CNTNAP2: variants seen among roughly 807,000 people sequenced by gnomAD.
CNTNAP2 encodes the protein contactin associated protein 2.
A neutral mutation model predicts 155.2 loss-of-function variants in CNTNAP2; 98 were observed. That is an observed-to-expected ratio of 0.63 (90% CI 0.54 to 0.75). The LOEUF (loss-of-function observed/expected upper bound fraction) is 0.75. CNTNAP2 is among the 30% of genes least tolerant of loss of function. The probability of loss-of-function intolerance (pLI) is 0.00; values close to 1 mark genes in which losing one functional copy is unlikely to be tolerated. For synonymous variants in CNTNAP2, 651 were observed against 631.2 expected, an observed-to-expected ratio of 1.03 and a Z score of -0.47; for missense variants, 1,727 against 1,688.1, an observed-to-expected ratio of 1.02 and a Z score of -0.40.
At chr7:146,636,482 T>C (rs1348943114) in intron 1 of CNTNAP2, among the ~76,000 whole-genome samples, 1 of 152,210 alleles carries the variant, frequency 6.6e-6, no homozygotes, top group Non-Finnish European at 1.5e-5. Flanking sequence ...TCAATATCTT[T>C]TCCAATTTTT....
intron 1 of CNTNAP2, among the ~76,000 whole-genome samples, chr7:146,302,526 C>T (rs895441517): frequency 2.0e-5 from 3 of 152,104 alleles, no homozygotes; most frequent in African/African-American, 7.2e-5. Flanking sequence ...GACAAAGATT[C>T]TTCAAGATTT....
intron 13 of CNTNAP2, among the ~76,000 whole-genome samples, chr7:147,820,298 C>T (rs1798341382): frequency 6.6e-6 from 1 of 151,812 alleles, no homozygotes; most frequent in African/African-American, 2.4e-5. Context: ...TATTGCATGT[C>T]TTTTGTTGTT....
At chr7:148,412,531 T>C (rs939946750) in intron 23 of CNTNAP2, among the ~76,000 whole-genome samples, 74 of 152,388 alleles carry the variant, frequency 4.9e-4, no homozygotes, top group African/African-American at 1.8e-3. Context: ...AAAGTATAAT[T>C]GATCTTTTAT....
chr7:147,205,687 T>TA (rs1563115647), intron 8 of CNTNAP2, among the ~76,000 whole-genome samples: 52 of 149,200 alleles, frequency 3.5e-4, no homozygotes, highest in South Asian at 8.5e-4. Flanking sequence ...AAATAAAATT[T>TA]TAAAAAAAAA....
At chr7:147,591,324 G>A (rs1800730267) in intron 12 of CNTNAP2, among the ~76,000 whole-genome samples, 1 of 152,130 alleles carries the variant, frequency 6.6e-6, no homozygotes, top group Admixed American at 6.6e-5. Context: ...CTCCTTGGCA[G>A]ATGACAGCTT....
In CNTNAP2 at chr7:148,267,179, A is replaced by G. The variant is rs1211331341; in HGVS notation, c.3475+53A>G. ...TGCGTGCTACAAATACATTTGGGTA[A>G]TGTGAGTTTGGATTTTAAAACTATC... On this transcript the variant is annotated intron_variant, in intron 21 of 23. Transcript: ENST00000361727. 2.0e-6 allele frequency: 3 copies of G among 1,479,320 alleles called. No individual in the cohort carries two copies. In the African/African-American group the frequency reaches 4.2e-5, roughly 21 times the overall value. The allele number at this position is 1,479,320 out of a possible 1,614,324, so 91.6% of individuals were successfully genotyped here.
chr7:147,615,703 C>T lies in CNTNAP2; in HGVS notation c.1898-23403C>T, dbSNP rs571449215. The stretch of plus-strand genomic sequence containing the variant: ...AAAGAAAATGGCTTGAAAGAAAAAT[C>T]GTTTTTTTTTCTTCCTACTCTCCCT... On this transcript the variant is annotated intron_variant, in intron 12 of 23. Coordinates refer to ENST00000361727, the MANE Select transcript of CNTNAP2 (RefSeq NM_014141.6). 7.2e-5 allele frequency among the ~76,000 whole-genome samples: 11 copies of T among 152,002 alleles called. No homozygotes were observed. The East Asian group carries it at 1.9e-3, about 27-fold the overall frequency.
At chr7:147,131,044 A>ATATATATGTGTG (rs1554441742) in intron 7 of CNTNAP2, among the ~76,000 whole-genome samples, 1 of 143,840 alleles carries the variant, frequency 7.0e-6, no homozygotes, top group African/African-American at 2.6e-5. Context: ...ATATATACAC[A>ATATATATGTGTG]TATATATATG....
intron 14 of CNTNAP2, among the ~76,000 whole-genome samples, chr7:147,942,907 G>C (rs893318929): frequency 6.6e-6 from 1 of 151,894 alleles, no homozygotes; most frequent in Non-Finnish European, 1.5e-5. Context: ...TGTGGTGGCG[G>C]GTGCCTGTAG....
chr7:146,583,115 A>G (rs1296207592), intron 1 of CNTNAP2, among the ~76,000 whole-genome samples: 3 of 152,066 alleles, frequency 2.0e-5, no homozygotes, highest in African/African-American at 7.2e-5. Flanking sequence ...GGGAGCCGAC[A>G]GAGTCACTGC....
chr7:146,498,553 A>G (rs1797252965), intron 1 of CNTNAP2, among the ~76,000 whole-genome samples: 1 of 152,202 alleles, frequency 6.6e-6, no homozygotes, highest in South Asian at 2.1e-4. Flanking sequence ...TGGACTTTAG[A>G]AATTTTCATT....
intron 3 of CNTNAP2, among the ~76,000 whole-genome samples, chr7:146,894,191 C>A (rs944079593): frequency 1.3e-5 from 2 of 152,026 alleles, no homozygotes. Context: ...CTGGAAAGGG[C>A]GTAAAGGAAA....
chr7:147,385,502 G>T (rs1014932668), intron 9 of CNTNAP2, among the ~76,000 whole-genome samples: 3 of 152,166 alleles, frequency 2.0e-5, no homozygotes, highest in Non-Finnish European at 4.4e-5. Flanking sequence ...CCAAATAAGA[G>T]AAATTGTCAA....
intron 1 of CNTNAP2, among the ~76,000 whole-genome samples, chr7:146,771,821 TA>T (rs1802297675): frequency 6.6e-6 from 1 of 152,198 alleles, no homozygotes; most frequent in African/African-American, 2.4e-5. Flanking sequence ...GTTGCTAAAA[TA>T]TTTTTTGCTT....
intron 5 of CNTNAP2, among the ~76,000 whole-genome samples, chr7:147,109,411 G>A (rs1274968047): frequency 3.9e-5 from 6 of 152,060 alleles, no homozygotes; most frequent in African/African-American, 1.4e-4. Context: ...GAAGACTTTA[G>A]GAGGAATTCT....
intron 10 of CNTNAP2, among the ~76,000 whole-genome samples, chr7:147,467,872 A>T (rs1027750326): frequency 2.6e-5 from 4 of 151,222 alleles, no homozygotes; most frequent in Non-Finnish European, 5.9e-5. Flanking sequence ...TCTAAAAAAA[A>T]TTTTAAAAAT....
intron 8 of CNTNAP2, among the ~76,000 whole-genome samples, chr7:147,263,691 G>C (rs1441554768): frequency 6.6e-6 from 1 of 152,190 alleles, no homozygotes; most frequent in Non-Finnish European, 1.5e-5. Context: ...CCCGGAAGGA[G>C]TGAAGCAGAC....
chr7:147,099,509 C>T (rs748331724), intron 4 of CNTNAP2, among the ~76,000 whole-genome samples: 5 of 152,088 alleles, frequency 3.3e-5, no homozygotes, highest in Non-Finnish European at 7.4e-5. Context: ...TCCGTTTACT[C>T]ATAGGGATAA....
intron 18 of CNTNAP2, among the ~76,000 whole-genome samples, chr7:148,207,816 A>T (rs1217219052): frequency 6.6e-6 from 1 of 152,160 alleles, no homozygotes; most frequent in Non-Finnish European, 1.5e-5. Context: ...TTAAGAAGTC[A>T]TCACAGCGTG....
Sources: gnomAD v4.1 joint callset for allele counts (sites outside exome capture counted in the v4.1 genomes callset) on GRCh38, gnomAD v4.1.1 for gene constraint, MANE v1.5 for transcripts, NCBI Gene and HGNC (gene_info 2026-07-23, HGNC 2026-07-21) for gene names.